PDE4D: variants seen among roughly 807,000 people sequenced by gnomAD.
PDE4D encodes the protein phosphodiesterase 4D.
Under a neutral mutation model 87.4 loss-of-function variants are expected in PDE4D, and 24 were observed. The ratio of observed to expected loss-of-function variants is 0.27; its 90% CI spans 0.20 to 0.39. The LOEUF (loss-of-function observed/expected upper bound fraction) is 0.39, where lower values mean the gene tolerates loss of function less well. Ranked by LOEUF, PDE4D falls within the 10% of genes least tolerant of loss-of-function variation. The pLI is 1.00. For missense variants in PDE4D, 714 were observed against 1,041.0 expected (o/e 0.69, Z 4.32); for synonymous variants, 384 against 383.2 (o/e 1.00, Z -0.02).
intron 1 of PDE4D, among the ~76,000 whole-genome samples, chr5:59,350,963 C>A (rs988967765): frequency 6.6e-6 from 1 of 152,118 alleles, no homozygotes; most frequent in Non-Finnish European, 1.5e-5. Context: ...ATAAGGTAAC[C>A]ATTTATAAGC....
intron 1 of PDE4D, among the ~76,000 whole-genome samples, chr5:60,406,931 T>C (rs1246803205): frequency 6.6e-6 from 1 of 152,120 alleles, no homozygotes; most frequent in Non-Finnish European, 1.5e-5. Context: ...GAAAAAGTAC[T>C]ATAAATTCAA....
At chr5:59,288,125 G>C (rs1226812333) in intron 1 of PDE4D, among the ~76,000 whole-genome samples, 2 of 151,932 alleles carry the variant, frequency 1.3e-5, no homozygotes, top group East Asian at 3.9e-4. Flanking sequence ...AACTAAATAA[G>C]GCATCAGTGA....
chr5:59,211,788 T>C lies in PDE4D; in HGVS notation c.647+3989A>G, dbSNP rs111395156. 1.9e-3 allele frequency among the ~76,000 whole-genome samples: 282 copies of C among 152,258 alleles called. 1 individual carries two copies. The highest frequency in any genetic ancestry group is 6.4e-3 in the African/African-American group (265 of 41,578). On this transcript the variant is annotated intron_variant, in intron 2 of 14. Transcript: ENST00000340635. ...TTACTACCATCTTTATCTGTTTTGT[T>C]CTTCAGCTATTTCATTGGTTTCTAT...
intron 3 of PDE4D, among the ~76,000 whole-genome samples, chr5:59,899,779 T>A (rs186386935): frequency 6.6e-6 from 1 of 152,272 alleles, no homozygotes; most frequent in East Asian, 1.9e-4. Flanking sequence ...GGCAGCCAGC[T>A]TGTTATGGCT....
chr5:59,274,135 A>C (rs1474639266), intron 1 of PDE4D, among the ~76,000 whole-genome samples: 1 of 152,100 alleles, frequency 6.6e-6, no homozygotes, highest in Non-Finnish European at 1.5e-5. Context: ...TGTTTGAGGA[A>C]AAAAAGGACA....
At chr5:60,374,413 A>T (rs1761273682) in intron 1 of PDE4D, among the ~76,000 whole-genome samples, 1 of 152,218 alleles carries the variant, frequency 6.6e-6, no homozygotes, top group African/African-American at 2.4e-5. Context: ...TTTAAAAAGA[A>T]GAAATACTGA....
intron 1 of PDE4D, among the ~76,000 whole-genome samples, chr5:59,609,769 G>A (rs1828737248): frequency 6.6e-6 from 1 of 152,104 alleles, no homozygotes; most frequent in Non-Finnish European, 1.5e-5. Flanking sequence ...ACAGAAAAAA[G>A]GAATCTGGTA....
intron 1 of PDE4D, among the ~76,000 whole-genome samples, chr5:59,616,918 C>CATAT (rs55821264): frequency 0.05 from 3,131 of 62,788 alleles, 349 homozygotes; most frequent in African/African-American, 0.12. Context: ...CTAATAATTA[C>CATAT]ATATATATAT....
At chr5:59,733,117 T>A (rs763313799) in intron 1 of PDE4D, among the ~76,000 whole-genome samples, 4 of 152,130 alleles carry the variant, frequency 2.6e-5, no homozygotes, top group Non-Finnish European at 4.4e-5. Context: ...ATAACACTTA[T>A]TTACAGGATG....
intron 6 of PDE4D, among the ~76,000 whole-genome samples, chr5:59,028,607 G>A (rs1756666661): frequency 6.6e-6 from 1 of 151,778 alleles, no homozygotes; most frequent in African/African-American, 2.4e-5. Flanking sequence ...AAAAGGCAGA[G>A]AATGAATCCA....
intron 1 of PDE4D, among the ~76,000 whole-genome samples, chr5:60,431,425 A>C (rs1460591154): frequency 7.3e-6 from 1 of 137,298 alleles, no homozygotes; most frequent in South Asian, 2.4e-4. Context: ...CGCTCCTCAC[A>C]TCCCAGACGG....
chr5:59,648,738 AG>A (rs1742889985), intron 1 of PDE4D, among the ~76,000 whole-genome samples: 1 of 151,080 alleles, frequency 6.6e-6, no homozygotes, highest in Non-Finnish European at 1.5e-5. Flanking sequence ...AAAAAAAATA[AG>A]GTTTAATGGA....
intron 3 of PDE4D, among the ~76,000 whole-genome samples, chr5:59,910,097 G>A (rs1753285731): frequency 6.6e-6 from 1 of 151,966 alleles, no homozygotes; most frequent in Non-Finnish European, 1.5e-5. Context: ...TTTCCTTTTT[G>A]GGAGCTCATC....
In PDE4D at chr5:59,597,903, G is replaced by C. The variant is rs192424038; in HGVS notation, c.455+295265C>G. On this transcript the variant is annotated intron_variant, in intron 1 of 14. Transcript: ENST00000340635. ...GTTTTTAACATTCTGACTCGAGGGTGAATCTATAATGCTGAGCACTTGAAA... is the reference window on the plus strand; with the variant it reads ...GTTTTTAACATTCTGACTCGAGGGTCAATCTATAATGCTGAGCACTTGAAA... Among the ~76,000 whole-genome samples, 253 of 152,186 alleles carry C rather than the reference G, an allele frequency of 1.7e-3. 2 individuals carry two copies. The highest frequency in any genetic ancestry group is 5.9e-3 in the African/African-American group (245 of 41,520).
intron 2 of PDE4D, among the ~76,000 whole-genome samples, chr5:60,143,883 A>G (rs1262014505): frequency 6.6e-6 from 1 of 152,168 alleles, no homozygotes; most frequent in Non-Finnish European, 1.5e-5. Flanking sequence ...ATCAAGAAGG[A>G]GAGCTTGGTG....
chr5:60,099,609 A>C (rs71627986), intron 2 of PDE4D, among the ~76,000 whole-genome samples: 1 of 152,006 alleles, frequency 6.6e-6, no homozygotes, highest in Non-Finnish European at 1.5e-5. Flanking sequence ...TTTACCGAGA[A>C]AGAAAAACAA....
chr5:59,488,655 A>G (rs1223425320), intron 1 of PDE4D, among the ~76,000 whole-genome samples: 3 of 150,010 alleles, frequency 2.0e-5, no homozygotes, highest in Non-Finnish European at 3.0e-5. Context: ...TTCAAAAAAT[A>G]TAACCACTAG....
intron 1 of PDE4D, among the ~76,000 whole-genome samples, chr5:59,815,068 T>C (rs1387728523): frequency 2.0e-5 from 3 of 152,086 alleles, no homozygotes; most frequent in Non-Finnish European, 4.4e-5. Context: ...ATCCCATCTG[T>C]GGGGAAACTG....
chr5:60,185,682 G>A, exon 2 of PDE4D: 1 of 774,572 alleles, frequency 1.3e-6, no homozygotes, highest in South Asian at 1.7e-5. Flanking sequence ...AAAGCCAACT[G>A]GAATGCTGAA....
Sources: allele counts gnomAD v4.1 joint callset (sites outside exome capture counted in the v4.1 genomes callset), GRCh38; gene constraint gnomAD v4.1.1; transcripts MANE v1.5; gene names NCBI Gene and HGNC (gene_info 2026-07-23, HGNC 2026-07-21).